Variants in RIF1 observed in about 807,000 individuals in gnomAD.
RIF1 encodes telomere-associated protein RIF1.
RIF1 carries 45 observed loss-of-function variants against 247.1 expected under a neutral mutation model. The ratio of observed to expected loss-of-function variants is 0.18; its 90% CI spans 0.14 to 0.23. RIF1 has a LOEUF of 0.23. RIF1 is among the 10% of genes least tolerant of loss of function. The pLI is 1.00. For synonymous variants in RIF1, 1,087 were observed against 978.8 expected (o/e 1.11, Z -2.06); for missense variants, 2,967 against 2,862.5 (o/e 1.04, Z -0.83).
In RIF1 at chr2:151,479,588, T is replaced by C. The variant is rs747334626; in HGVS notation, c.*4517T>C. The C allele has an allele frequency of 2.6e-5, 4 of 152,216 alleles. No individual in the cohort carries two copies. The highest frequency in any genetic ancestry group is 7.2e-5 in the African/African-American group (3 of 41,460). 9.4% of individuals were successfully genotyped at this position (152,216 alleles called of 1,614,324 possible). A position where few individuals can be genotyped will look rare whatever the true frequency, so the allele number is the denominator to read the frequency against. On this transcript the variant is annotated 3_prime_UTR_variant, in exon 36 of 36. Coordinates refer to ENST00000444746, the MANE Select transcript of RIF1 (RefSeq NM_018151.5). ...AATGAATAAGTCAGTCTAGCAGATA[T>C]GCCCTGTCATTATACTGCGGACCTC... is the stretch of plus-strand genomic sequence containing the variant.
the RIF1 span, among the ~76,000 whole-genome samples, chr2:151,516,846 A>C: frequency 6.6e-6 from 1 of 152,248 alleles, no homozygotes; most frequent in Non-Finnish European, 1.5e-5. Context: ...ATGCTGATGC[A>C]AGAAAACGCA....
intron 13 of RIF1, chr2:151,507,691 A>ATT (rs1373624895): frequency 2.1e-5 from 6 of 279,972 alleles, no homozygotes; most frequent in Non-Finnish European, 3.4e-5. Context: ...TATTGAATAA[A>ATT]TTGTGTGTCT....
intron 35 of RIF1, among the ~76,000 whole-genome samples, chr2:151,474,392 T>C (rs2152549523): frequency 6.6e-6 from 1 of 152,248 alleles, no homozygotes; most frequent in Non-Finnish European, 1.5e-5. Flanking sequence ...TAATAAGCAG[T>C]GGTAGGTTGG....
the RIF1 span, chr2:151,533,632 G>A: frequency 1.2e-6 from 1 of 827,172 alleles, no homozygotes; most frequent in African/African-American, 1.7e-5. Context: ...ACCTCTGAGT[G>A]AAGAGATGTA....
intron 21 of RIF1, among the ~76,000 whole-genome samples, chr2:151,453,400 C>A (rs1237488181): frequency 1.3e-5 from 2 of 151,866 alleles, no homozygotes; most frequent in Non-Finnish European, 2.9e-5. Context: ...AACAGGGCTA[C>A]AACCTGTCTC....
Position 151,478,085 on chromosome 2 carries a change from G to GT in RIF1, c.*3016dup, listed in dbSNP as rs1559043369. On this transcript the variant is annotated 3_prime_UTR_variant, in exon 36 of 36. Coordinates refer to ENST00000444746, the MANE Select transcript of RIF1 (RefSeq NM_018151.5). ...TTTTCAATATTTCAGTGACCTCATT[G>GT]TTAAAGCTGCTTTGCCACTTGTACA... is the stretch of plus-strand genomic sequence containing the variant. 1 of 152,188 alleles carries GT rather than the reference G, an allele frequency of 6.6e-6. No homozygotes were observed. The highest frequency in any genetic ancestry group is 1.5e-5 in the Non-Finnish European group (1 of 68,038). 9.4% of individuals were successfully genotyped at this position (152,188 alleles called of 1,614,324 possible).
In RIF1 at chr2:151,496,956, T is replaced by TTGA. The variant is rs1372551649; in HGVS notation, c.*513+1632_*513+1634dup. On this transcript the variant is annotated intron_variant and NMD_transcript_variant, in intron 10 of 13. Transcript: ENST00000454583. ...GCCCAAGTACCGAGCTAATATTTTC[T>TTGA]TGATTGTGTTTGACTCTCTCCATCT... The TTGA allele has an allele frequency of 1.3e-6, 2 of 1,576,532 alleles. No homozygotes were observed. The highest frequency in any genetic ancestry group is 1.7e-6 in the Non-Finnish European group (2 of 1,158,758).
At chr2:151,511,550 A>C (rs1158670917), downstream of RIF1, among the ~76,000 whole-genome samples, 1 of 152,222 alleles carries the variant, frequency 6.6e-6, no homozygotes, top group East Asian at 1.9e-4. Context: ...GCGAATCTAC[A>C]TCCCCAGGTG....
At chr2:151,430,440 G>C (rs1458531038) in intron 9 of RIF1, among the ~76,000 whole-genome samples, 2 of 152,004 alleles carry the variant, frequency 1.3e-5, no homozygotes, top group African/African-American at 2.4e-5. Flanking sequence ...TCCTGCCTCA[G>C]CCTCCCAAGT....
At chr2:151,446,927 TAA>T (rs1378468570) in intron 20 of RIF1, among the ~76,000 whole-genome samples, 2 of 149,278 alleles carry the variant, frequency 1.3e-5, no homozygotes, top group East Asian at 4.0e-4. Context: ...TTAGAAAATA[TAA>T]GTCTCTTTTC....
In RIF1 at chr2:151,463,925, A is replaced by T. The variant is rs1274779881; in HGVS notation, c.4405A>T (p.Ile1469Phe). ...TGATGTGTTACCTAAACAAAAACTG[A>T]TTGCTGAACAAACTCTACAGGAGAA... ...KDDVLPKQKLIAEQTLQENLI... is the reference protein window; with the variant it reads ...KDDVLPKQKLFAEQTLQENLI... The change falls in exon 30 of 36, where the codon ATT becomes TTT. Residue 1469 changes from isoleucine to phenylalanine, a missense_variant. Around this residue, in one of 7 missense-constraint regions of RIF1, gnomAD observed 2,028 missense variants for 1,825.6 expected, o/e 1.11. Transcript: ENST00000444746. 1.2e-6 allele frequency: 2 copies of T among 1,613,502 alleles called. No homozygotes were observed. Among genetic ancestry groups the T allele is most frequent in the Non-Finnish European group, 1.7e-6 (2 of 1,179,882 alleles).
At position 151,443,303 on chromosome 2, in the gene RIF1, C is replaced by T. The variant is rs2152391831; in HGVS notation, c.1779C>T (p.Phe593=). ...TAATTCAATTAATTTTCAACAATTT[C>T]TTGGAATGTGGTGTATCAGATGAAA... ...LFLIQLIFNN[F]LECGVSDERF... is the part of the protein sequence containing the mutation. Residue 593 remains phenylalanine, a synonymous_variant, in exon 17 of 36, where the codon TTC becomes TTT. Coordinates refer to ENST00000444746, the MANE Select transcript of RIF1 (RefSeq NM_018151.5). 1 of 1,602,310 alleles carries T rather than the reference C, an allele frequency of 6.2e-7. No homozygotes were observed. Among genetic ancestry groups the T allele is most frequent in the Non-Finnish European group, 8.5e-7 (1 of 1,170,544 alleles).
At chr2:151,515,964 A>G in the RIF1 span, among the ~76,000 whole-genome samples, 1 of 152,242 alleles carries the variant, frequency 6.6e-6, no homozygotes, top group African/African-American at 2.4e-5. Flanking sequence ...ACTCTTGGTT[A>G]AAAATGACCA....
downstream of RIF1, among the ~76,000 whole-genome samples, chr2:151,482,445 T>C (rs543781645): frequency 4.6e-5 from 7 of 152,276 alleles, no homozygotes; most frequent in African/African-American, 1.7e-4. Flanking sequence ...TGAGTTCAGT[T>C]TCTCATTGAA....
Position 151,478,239 on chromosome 2 carries a change from C to G in RIF1, c.*3168C>G, listed in dbSNP as rs2049023453. The G allele has an allele frequency of 6.6e-6, 1 of 152,182 alleles. No individual in the cohort carries two copies. The highest frequency in any genetic ancestry group is 1.5e-5 in the Non-Finnish European group (1 of 68,044). 9.4% of individuals were successfully genotyped at this position (152,182 alleles called of 1,614,324 possible). ...AGGATTTAAACCCGCACATTAAAAGCATGACTGAAGGCCCGGCAGGTGGAT... is the reference window on the plus strand; with the variant it reads ...AGGATTTAAACCCGCACATTAAAAGGATGACTGAAGGCCCGGCAGGTGGAT... On this transcript the variant is annotated 3_prime_UTR_variant, in exon 36 of 36. Coordinates refer to ENST00000444746, the MANE Select transcript of RIF1 (RefSeq NM_018151.5).
At chr2:151,503,614 T>C (rs900085545) in intron 12 of RIF1, among the ~76,000 whole-genome samples, 4 of 88,386 alleles carry the variant, frequency 4.5e-5, no homozygotes, top group African/African-American at 1.5e-4. Flanking sequence ...TTTTCCAAAA[T>C]AGTAAAAATT....
intron 9 of RIF1, 37 bp downstream of exon 9, chr2:151,428,959 T>C (rs755298085): frequency 1.1e-5 from 14 of 1,316,176 alleles, no homozygotes; most frequent in Non-Finnish European, 1.5e-5. Flanking sequence ...TTTCTGTGAA[T>C]TTGTTTTGCT....
chr2:151,441,894 A>T lies in RIF1; in HGVS notation c.1648-11A>T. ...CGGCTAATTTACTGTAAAACCTTTTATCTCTCATAGGTCCTCATGGAAATT... is the reference window on the plus strand; with the variant it reads ...CGGCTAATTTACTGTAAAACCTTTTTTCTCTCATAGGTCCTCATGGAAATT... On this transcript the variant is annotated splice_polypyrimidine_tract_variant and intron_variant, in intron 15 of 35. Coordinates refer to ENST00000444746, the MANE Select transcript of RIF1 (RefSeq NM_018151.5). 7.9e-7 allele frequency: 1 copy of T among 1,271,688 alleles called. No homozygotes were observed. Among genetic ancestry groups the T allele is most frequent in the Non-Finnish European group, 1.1e-6 (1 of 889,500 alleles). The allele number at this position is 1,271,688 out of a possible 1,614,324, so 78.8% of individuals were successfully genotyped here. A position where few individuals can be genotyped will look rare whatever the true frequency, so the allele number is the denominator to read the frequency against.
Position 151,416,493 on chromosome 2 carries a change from A to G in RIF1, c.281-68A>G, listed in dbSNP as rs1163572986. ...GATTGATGAGTATATTGTTTTCTCT[A>G]GTTTTATATTTGAGACTTTAAAGAG... On this transcript the variant is annotated intron_variant, in intron 4 of 35. Coordinates refer to ENST00000444746, the MANE Select transcript of RIF1 (RefSeq NM_018151.5). The G allele has an allele frequency of 2.2e-6, 3 of 1,334,678 alleles. No individual in the cohort carries two copies. The East Asian group carries it at 7.0e-5, about 31-fold the overall frequency. The allele number at this position is 1,334,678 out of a possible 1,614,324, so 82.7% of individuals were successfully genotyped here.
Sources: allele counts gnomAD v4.1 joint callset (sites outside exome capture counted in the v4.1 genomes callset), GRCh38; gene constraint gnomAD v4.1.1; regional missense constraint gnomAD v4.1.1; transcripts MANE v1.5; gene names NCBI Gene and HGNC (gene_info 2026-07-23, HGNC 2026-07-21).